The following NKAIN3 variants were observed in gnomAD, a reference collection of about 807,000 sequenced individuals.
NKAIN3 encodes the protein sodium/potassium-transporting ATPase subunit beta-1-interacting protein 3.
Under a neutral mutation model 30.2 loss-of-function variants are expected in NKAIN3, and 25 were observed. The ratio of observed to expected loss-of-function variants is 0.83; its 90% CI spans 0.60 to 1.16. The LOEUF (loss-of-function observed/expected upper bound fraction) is 1.16, where lower values mean the gene tolerates loss of function less well. Ranked by LOEUF, NKAIN3 falls within the 50% of genes most tolerant of loss-of-function variation. The pLI, the probability that NKAIN3 is intolerant of heterozygous loss-of-function variation, is 0.00. For synonymous variants in NKAIN3, 91 were observed against 89.6 expected, an observed-to-expected ratio of 1.02 and a Z score of -0.09; for missense variants, 225 against 254.1, an observed-to-expected ratio of 0.89 and a Z score of 0.78.
chr8:62,859,961 T>TG (rs1266563707), intron 4 of NKAIN3, among the ~76,000 whole-genome samples: 1 of 152,220 alleles, frequency 6.6e-6, no homozygotes, highest in African/African-American at 2.4e-5. Context: ...ACTTGACATT[T>TG]GTTGCCATTT....
intron 1 of NKAIN3, among the ~76,000 whole-genome samples, chr8:62,394,828 G>T (rs7836882): frequency 1.2e-4 from 18 of 149,250 alleles, no homozygotes; most frequent in African/African-American, 4.4e-4. Flanking sequence ...ATGGTGGGGC[G>T]GCCAAGCAGA....
At chr8:62,742,293 A>G (rs1158866206) in intron 3 of NKAIN3, among the ~76,000 whole-genome samples, 1 of 152,204 alleles carries the variant, frequency 6.6e-6, no homozygotes, top group Non-Finnish European at 1.5e-5. Flanking sequence ...TAGTTAGTAA[A>G]GTTCATTATG....
chr8:62,653,281 C>CAG (rs147273367), intron 3 of NKAIN3, among the ~76,000 whole-genome samples: 7 of 150,754 alleles, frequency 4.6e-5, no homozygotes, highest in East Asian at 3.9e-4. Context: ...TCTTAAGTAG[C>CAG]AGAGAGAGAG....
At chr8:62,879,107 A>G (rs1586303057) in intron 4 of NKAIN3, among the ~76,000 whole-genome samples, 1 of 152,172 alleles carries the variant, frequency 6.6e-6, no homozygotes, top group African/African-American at 2.4e-5. Flanking sequence ...ACAACGGTTG[A>G]ACTAGTTTAC....
intron 1 of NKAIN3, among the ~76,000 whole-genome samples, chr8:62,424,171 G>T (rs182728671): frequency 1.3e-3 from 193 of 152,014 alleles, no homozygotes; most frequent in African/African-American, 4.5e-3. Flanking sequence ...AACTCAATTT[G>T]AATGAAAGAC....
intron 3 of NKAIN3, among the ~76,000 whole-genome samples, chr8:62,736,988 ATG>A (rs1347421578): frequency 6.6e-6 from 1 of 152,124 alleles, no homozygotes; most frequent in Non-Finnish European, 1.5e-5. Flanking sequence ...CCCAGTGAGG[ATG>A]TGTGTTTGGA....
chr8:62,831,911 G>T (rs757550465), intron 4 of NKAIN3, among the ~76,000 whole-genome samples: 13 of 152,090 alleles, frequency 8.5e-5, no homozygotes, highest in Non-Finnish European at 1.9e-4. Flanking sequence ...AAGGCATATA[G>T]TCACCAGACT....
intron 4 of NKAIN3, among the ~76,000 whole-genome samples, chr8:62,900,125 T>C (rs1190166543): frequency 1.3e-5 from 2 of 152,156 alleles, no homozygotes; most frequent in Non-Finnish European, 2.9e-5. Context: ...TTGATGGTTG[T>C]TGCTCACTGA....
chr8:62,673,645 A>G (rs1466299082), intron 3 of NKAIN3, among the ~76,000 whole-genome samples: 1 of 152,216 alleles, frequency 6.6e-6, no homozygotes, highest in Non-Finnish European at 1.5e-5. Flanking sequence ...GTGTTCTTAC[A>G]CAAACCCAGA....
intron 3 of NKAIN3, among the ~76,000 whole-genome samples, chr8:62,648,185 A>G (rs927173481): frequency 6.6e-6 from 1 of 152,148 alleles, no homozygotes; most frequent in African/African-American, 2.4e-5. Flanking sequence ...GAGCCGTCCA[A>G]GTACTATGTC....
intron 1 of NKAIN3, among the ~76,000 whole-genome samples, chr8:62,537,700 G>A (rs1453763966): frequency 6.6e-6 from 1 of 151,976 alleles, no homozygotes; most frequent in Non-Finnish European, 1.5e-5. Flanking sequence ...GAGCACTAAT[G>A]TGTAGTTGCA....
At chr8:62,301,062 G>A (rs924209510) in intron 1 of NKAIN3, among the ~76,000 whole-genome samples, 2 of 151,958 alleles carry the variant, frequency 1.3e-5, no homozygotes, top group Non-Finnish European at 2.9e-5. Flanking sequence ...AAGAGACTGG[G>A]CATTGCTCTA....
chr8:62,399,527 A>G (rs1817870567), intron 1 of NKAIN3, among the ~76,000 whole-genome samples: 1 of 152,200 alleles, frequency 6.6e-6, no homozygotes, highest in Non-Finnish European at 1.5e-5. Flanking sequence ...AGAGAGAGAG[A>G]GAGAAAGAAA....
rs575540491 is a variant in NKAIN3, at chr8:62,284,763, A to T, written c.54+35636A>T. On this transcript the variant is annotated intron_variant, in intron 1 of 6. Coordinates refer to ENST00000623646, the MANE Select transcript of NKAIN3 (RefSeq NM_001304533.3). ...ACAGGAAGAAAGGGATAAAACATGA[A>T]TGTGGTGTAATTGAGATGCAAAAAA... Among the ~76,000 whole-genome samples the T allele has an allele frequency of 2.0e-5, 3 of 152,184 alleles. No homozygotes were observed. The East Asian group carries it at 5.8e-4, about 29-fold the overall frequency.
intron 4 of NKAIN3, among the ~76,000 whole-genome samples, chr8:62,775,935 C>G (rs1480106984): frequency 6.6e-6 from 1 of 151,970 alleles, no homozygotes; most frequent in Non-Finnish European, 1.5e-5. Context: ...CTCTCTCTAG[C>G]TCAAATAATA....
chr8:62,550,670 A>T (rs79863846), intron 1 of NKAIN3, among the ~76,000 whole-genome samples: 1,603 of 152,322 alleles, frequency 0.011, 27 homozygotes, highest in African/African-American at 0.033. Flanking sequence ...TTTGCATGCA[A>T]ATAAAAAGCC....
chr8:62,249,177 C>A (rs1177789174), intron 1 of NKAIN3, 50 bp downstream of exon 1: 2 of 1,442,992 alleles, frequency 1.4e-6, no homozygotes, highest in South Asian at 1.3e-5. Flanking sequence ...GCTCCAGGAC[C>A]GGCCTCTGCG....
At chr8:62,862,602 TA>T (rs1563599098) in intron 4 of NKAIN3, among the ~76,000 whole-genome samples, 1 of 152,112 alleles carries the variant, frequency 6.6e-6, no homozygotes, top group East Asian at 1.9e-4. Flanking sequence ...AAAATCATTT[TA>T]AAAAAATTTA....
chr8:62,281,980 C>A lies in NKAIN3; in HGVS notation c.54+32853C>A, dbSNP rs940237676. 1.1e-4 allele frequency among the ~76,000 whole-genome samples: 15 copies of A among 141,714 alleles called. 1 individual carries two copies. Among genetic ancestry groups the A allele is most frequent in the Non-Finnish European group, 3.1e-5 (2 of 65,112 alleles). 93.0% of individuals were successfully genotyped at this position (141,714 alleles called of 152,430 possible). On this transcript the variant is annotated intron_variant, in intron 1 of 6. Transcript: ENST00000623646. The stretch of plus-strand genomic sequence containing the variant: ...TGTCACTTCACCTAAATTCTCTGTC[C>A]TCCCTCAAGTTATCTTTTTTTTTTT...
Sources: allele counts gnomAD v4.1 joint callset (sites outside exome capture counted in the v4.1 genomes callset), GRCh38; gene constraint gnomAD v4.1.1; transcripts MANE v1.5; gene names NCBI Gene and HGNC (gene_info 2026-07-23, HGNC 2026-07-21).